The following GULP1 variants were observed in gnomAD, a reference collection of about 807,000 sequenced individuals.
GULP1 encodes the protein GULP PTB domain containing engulfment adaptor 1.
A neutral mutation model predicts 40.9 loss-of-function variants in GULP1; 19 were observed. The ratio of observed to expected loss-of-function variants is 0.46; its 90% CI spans 0.32 to 0.68. The LOEUF is 0.68. GULP1 is among the 30% of genes least tolerant of loss of function. The pLI, the probability that GULP1 is intolerant of heterozygous loss-of-function variation, is 0.03. For synonymous variants in GULP1, 119 were observed against 117.6 expected, an observed-to-expected ratio of 1.01 and a Z score of -0.08; for missense variants, 312 against 362.2, an observed-to-expected ratio of 0.86 and a Z score of 1.12.
intron 1 of GULP1, among the ~76,000 whole-genome samples, chr2:188,378,155 G>A (rs1421758588): frequency 6.6e-6 from 1 of 151,888 alleles, no homozygotes; most frequent in African/African-American, 2.4e-5. Context: ...GGAGACTAAG[G>A]CATATCCTGT....
At chr2:188,346,304 T>G (rs905365274) in intron 1 of GULP1, among the ~76,000 whole-genome samples, 1 of 152,146 alleles carries the variant, frequency 6.6e-6, no homozygotes, top group African/African-American at 2.4e-5. Flanking sequence ...AGCAGAAATC[T>G]CCGGGTTAAT....
At chr2:188,481,583 G>A (rs971931756) in intron 3 of GULP1, among the ~76,000 whole-genome samples, 10 of 151,818 alleles carry the variant, frequency 6.6e-5, no homozygotes, top group Non-Finnish European at 8.8e-5. Flanking sequence ...TTTTTAGGTC[G>A]CTGCAATATG....
intron 1 of GULP1, among the ~76,000 whole-genome samples, chr2:188,362,833 C>A (rs2152385333): frequency 6.6e-6 from 1 of 152,078 alleles, no homozygotes; most frequent in East Asian, 1.9e-4. Context: ...CCTTTCAATG[C>A]ACACAGTGGC....
At chr2:188,374,385 G>T (rs2048021582) in intron 1 of GULP1, among the ~76,000 whole-genome samples, 1 of 152,092 alleles carries the variant, frequency 6.6e-6, no homozygotes, top group Admixed American at 6.6e-5. Context: ...ACTCAGTTAA[G>T]CCAAAGAATA....
chr2:188,559,878 A>G (rs1695803733), intron 7 of GULP1, among the ~76,000 whole-genome samples: 1 of 152,152 alleles, frequency 6.6e-6, no homozygotes. Context: ...GTAGTGAATA[A>G]GTCTCATGAG....
intron 2 of GULP1, among the ~76,000 whole-genome samples, chr2:188,419,286 C>T (rs575448826): frequency 3.9e-5 from 6 of 152,238 alleles, no homozygotes; most frequent in South Asian, 2.1e-4. Context: ...TACTTTCATC[C>T]GTAATGGCTG....
At chr2:188,418,921 G>C (rs2054967971) in intron 2 of GULP1, among the ~76,000 whole-genome samples, 1 of 152,152 alleles carries the variant, frequency 6.6e-6, no homozygotes, top group East Asian at 1.9e-4. Context: ...TACTCTCTTT[G>C]ATTCTGTAAA....
chr2:188,517,441 T>G (rs772234751), intron 4 of GULP1, among the ~76,000 whole-genome samples: 3 of 152,246 alleles, frequency 2.0e-5, no homozygotes, highest in Non-Finnish European at 4.4e-5. Context: ...CTATATTGAC[T>G]GTAGAGTATT....
intron 4 of GULP1, among the ~76,000 whole-genome samples, chr2:188,497,991 C>T (rs1355718454): frequency 1.3e-5 from 2 of 151,864 alleles, no homozygotes; most frequent in South Asian, 2.1e-4. Context: ...TGCTAGATTT[C>T]CACACATTCC....
At chr2:188,589,973 T>TC in intron 11 of GULP1, 1 of 214,578 alleles carries the variant, frequency 4.7e-6, no homozygotes, top group Non-Finnish European at 8.2e-6. Flanking sequence ...TCCTTTCTTT[T>TC]CTTTTTTTTT....
rs558898070 is a variant in GULP1, at chr2:188,432,703, A to T, written c.-44-44956A>T. Among the ~76,000 whole-genome samples the T allele has an allele frequency of 2.6e-5, 4 of 152,250 alleles. No individual in the cohort carries two copies. The South Asian group carries it at 6.2e-4, about 24-fold the overall frequency. On this transcript the variant is annotated intron_variant, in intron 2 of 11. Coordinates refer to ENST00000409830, the MANE Select transcript of GULP1 (RefSeq NM_016315.4). Reference sequence around the variant, plus strand: ...TTGATGATTCTGAAGACATTTTAAAATTTATTTTAATAGTAATTTAAAACT... The same window carrying T: ...TTGATGATTCTGAAGACATTTTAAATTTTATTTTAATAGTAATTTAAAACT...
chr2:188,298,899 A>G (rs529813911), intron 1 of GULP1, among the ~76,000 whole-genome samples: 10 of 152,288 alleles, frequency 6.6e-5, no homozygotes, highest in African/African-American at 2.2e-4. Context: ...CAGCAAGGCA[A>G]TTTACTTCTA....
chr2:188,478,969 A>G (rs957867711), intron 3 of GULP1, among the ~76,000 whole-genome samples: 6 of 152,124 alleles, frequency 3.9e-5, no homozygotes, highest in Non-Finnish European at 8.8e-5. Flanking sequence ...AACAGGAAGC[A>G]TGACTGAGAA....
chr2:188,479,368 A>G (rs1235469387), intron 3 of GULP1, among the ~76,000 whole-genome samples: 2 of 152,154 alleles, frequency 1.3e-5, no homozygotes, highest in Admixed American at 1.3e-4. Flanking sequence ...TACAACAGGT[A>G]CCAAAAGTAA....
chr2:188,546,533 C>T (rs1042529571), intron 7 of GULP1, among the ~76,000 whole-genome samples: 3 of 151,852 alleles, frequency 2.0e-5, no homozygotes, highest in African/African-American at 4.8e-5. Flanking sequence ...TGAAGTAGAG[C>T]GTATCAACAT....
intron 9 of GULP1, among the ~76,000 whole-genome samples, chr2:188,575,685 G>C (rs1700032107): frequency 6.6e-6 from 1 of 152,102 alleles, no homozygotes; most frequent in Admixed American, 6.6e-5. Flanking sequence ...AAAATAATTG[G>C]AAAAGACATT....
chr2:188,452,144 G>A (rs867354542), intron 2 of GULP1, among the ~76,000 whole-genome samples: 1 of 152,110 alleles, frequency 6.6e-6, no homozygotes, highest in African/African-American at 2.4e-5. Context: ...TGTTATTCCC[G>A]GACTTGTGCC....
chr2:188,315,412 C>G (rs1348833866), intron 1 of GULP1, among the ~76,000 whole-genome samples: 1 of 152,112 alleles, frequency 6.6e-6, no homozygotes, highest in Non-Finnish European at 1.5e-5. Flanking sequence ...TGGGGGTCTT[C>G]AGATGTATCC....
At chr2:188,548,560 T>C (rs1692571457) in intron 7 of GULP1, among the ~76,000 whole-genome samples, 1 of 152,046 alleles carries the variant, frequency 6.6e-6, no homozygotes, top group Admixed American at 6.6e-5. Flanking sequence ...TTTGTAGATA[T>C]AGACAAGACA....
Sources: gnomAD v4.1 joint callset for allele counts (sites outside exome capture counted in the v4.1 genomes callset) on GRCh38, gnomAD v4.1.1 for gene constraint, MANE v1.5 for transcripts, NCBI Gene and HGNC (gene_info 2026-07-23, HGNC 2026-07-21) for gene names.